The following DENND6B variants were observed in gnomAD, a reference collection of about 807,000 sequenced individuals.
DENND6B encodes DENN domain containing 6B, also known as protein DENND6B.
A neutral mutation model predicts 85.1 loss-of-function variants in DENND6B; 73 were observed. The ratio of observed to expected loss-of-function variants is 0.86; its 90% confidence interval spans 0.71 to 1.04. DENND6B has a LOEUF of 1.04. Among genes scored for constraint, DENND6B ranks in the 50% least tolerant of loss-of-function variants. The pLI is 0.00. For synonymous variants in DENND6B, 357 were observed against 329.3 expected, an observed-to-expected ratio of 1.08 and a Z score of -0.91; for missense variants, 715 against 785.8, an observed-to-expected ratio of 0.91 and a Z score of 1.08.
intron 13 of DENND6B, 82 bp downstream of exon 13, chr22:50,314,125 G>C (rs749841275): frequency 6.8e-7 from 1 of 1,474,068 alleles, no homozygotes; most frequent in South Asian, 1.3e-5. Context: ...CTGGGGGCCT[G>C]GCTGCCCCAC....
rs1569212672 is a variant in DENND6B at position 50,326,816 on chromosome 22, A to G, written c.173T>C (p.Leu58Pro). 1.4e-6 allele frequency: 2 copies of G among 1,411,772 alleles called. No individual in the cohort carries two copies. The highest frequency in any genetic ancestry group is 1.8e-6 in the Non-Finnish European group (2 of 1,086,816). The allele number at this position is 1,411,772 out of a possible 1,614,324, so 87.5% of individuals were successfully genotyped here. The part of the protein sequence containing the change: ...VTFDLELGQA[L>P]ELVYPNDFRL... ...CCCGCGCTCGCGCCCGCTCACCTCC[A>G]GCGCCTGGCCCAGCTCCAGGTCGAA... Residue 58 changes from leucine to proline, a missense_variant, in exon 1 of 20, where the codon CTG becomes CCG. Leu to Pro is a moderately conservative substitution (Grantham distance 98). Transcript: ENST00000413817.
rs773665217 is a variant in DENND6B at position 50,309,059 on chromosome 22, A to C, written c.*3080T>G. 1.3e-5 allele frequency: 2 copies of C among 152,264 alleles called. No homozygotes were observed. Among genetic ancestry groups the C allele is most frequent in the Non-Finnish European group, 2.9e-5 (2 of 68,050 alleles). 9.4% of individuals were successfully genotyped at this position (152,264 alleles called of 1,614,324 possible). On this transcript the variant is annotated 3_prime_UTR_variant, in exon 20 of 20. Transcript: ENST00000413817. ...GTCACAAAAGGACATTTTAATACCAAAACTGTGGGAAGGCCACTGTTCTAG... is the reference window on the plus strand; with the variant it reads ...GTCACAAAAGGACATTTTAATACCACAACTGTGGGAAGGCCACTGTTCTAG...
chr22:50,325,854 T>C (rs2042174925), intron 1 of DENND6B, among the ~76,000 whole-genome samples: 2 of 152,238 alleles, frequency 1.3e-5, no homozygotes, highest in African/African-American at 4.8e-5. Flanking sequence ...GAAGACTATA[T>C]GCTTCTCATG....
chr22:50,314,875 T>C lies in DENND6B; in HGVS notation c.805A>G (p.Met269Val). 1.2e-6 allele frequency: 2 copies of C among 1,612,204 alleles called. No homozygotes were observed. The highest frequency in any genetic ancestry group is 1.7e-6 in the Non-Finnish European group (2 of 1,179,554). The change falls in exon 10 of 20, where the codon ATG (methionine) becomes GTG (valine). Residue 269 changes from methionine (M) to valine (V), a missense_variant. By Grantham distance (21) the Met-to-Val change is conservative (BLOSUM62 1). Coordinates refer to ENST00000413817, the MANE Select transcript of DENND6B (RefSeq NM_001001794.4). ...LTHMQTLWEL[M>V]LLGEPLLVLA... ...ACTAGCAGGGGCTCCCCGAGGAGCA[T>C]GAGCTCCCACAGTGTCTGCATATGA... is the stretch of plus-strand genomic sequence containing the variant.
At position 50,310,097 on chromosome 22, in the gene DENND6B, A is replaced by G. The variant is rs951115349; in HGVS notation, c.*2042T>C. The G allele has an allele frequency of 6.6e-6, 1 of 152,288 alleles. No homozygotes were observed. Among genetic ancestry groups the G allele is most frequent in the African/African-American group, 2.4e-5 (1 of 41,472 alleles). The allele number at this position is 152,288 out of a possible 1,614,324, so 9.4% of individuals were successfully genotyped here. A position where few individuals can be genotyped will look rare whatever the true frequency, so the allele number is the denominator to read the frequency against. On this transcript the variant is annotated 3_prime_UTR_variant, in exon 20 of 20. Coordinates refer to ENST00000413817, the MANE Select transcript of DENND6B (RefSeq NM_001001794.4). ...CAGGCCCCATCTTATGGAGGTCAGC[A>G]TTCAAGCTGCCCACACAAGAGGTGC...
At chr22:50,322,167 C>T (rs910158539) in intron 1 of DENND6B, among the ~76,000 whole-genome samples, 7 of 151,188 alleles carry the variant, frequency 4.6e-5, no homozygotes, top group Middle Eastern at 3.4e-3. Context: ...CTCCGCCTCC[C>T]GGGTTCACGA....
In DENND6B at chr22:50,310,560, G is replaced by A. The variant is rs2068045990; in HGVS notation, c.*1579C>T. On this transcript the variant is annotated 3_prime_UTR_variant, in exon 20 of 20. Coordinates refer to ENST00000413817, the MANE Select transcript of DENND6B (RefSeq NM_001001794.4). ...AGTGCTCGCTCTCCACCACCTGGCT[G>A]GAGGTCTGAGAGCACCAATGAGAAC... The A allele has an allele frequency of 6.6e-6, 1 of 152,252 alleles. No homozygotes were observed. Among genetic ancestry groups the A allele is most frequent in the Admixed American group, 6.5e-5 (1 of 15,282 alleles). The allele number at this position is 152,252 out of a possible 1,614,324, so 9.4% of individuals were successfully genotyped here.
At position 50,316,053 on chromosome 22, in the gene DENND6B, G is replaced by A. The variant is rs1177823387; in HGVS notation, c.674C>T (p.Ser225Phe). Residue 225 changes from serine (S) to phenylalanine (F), a missense_variant, in exon 8 of 20, where the codon TCC becomes TTC. Ser to Phe is a radical substitution (Grantham distance 155). Coordinates refer to ENST00000413817, the MANE Select transcript of DENND6B (RefSeq NM_001001794.4). The part of the protein sequence containing the change: ...RIPSRVDKSE[S>F]SPPKQFDQEN... Reference sequence around the variant, plus strand: ...TTGGTCAAACTGCTTCGGAGGACTGGACTCGGACTTGTCCACCCTGGATGG... The same window carrying A: ...TTGGTCAAACTGCTTCGGAGGACTGAACTCGGACTTGTCCACCCTGGATGG... The A allele has an allele frequency of 1.9e-6, 3 of 1,612,732 alleles. No individual in the cohort carries two copies. The highest frequency in any genetic ancestry group is 1.1e-5 in the South Asian group (1 of 91,084).
At chr22:50,313,790 G>T (rs2068134304) in intron 14 of DENND6B, 24 bp downstream of exon 14, 7 of 1,611,162 alleles carry the variant, frequency 4.3e-6, no homozygotes, top group Non-Finnish European at 4.2e-6. Flanking sequence ...TGCGTCCCCA[G>T]CCCCTGCCCC....
intron 1 of DENND6B, among the ~76,000 whole-genome samples, chr22:50,325,396 G>A (rs1419641754): frequency 6.9e-6 from 1 of 145,792 alleles, no homozygotes; most frequent in Non-Finnish European, 1.5e-5. Context: ...GGAGCGCAAT[G>A]GTGCAATCTC....
At chr22:50,318,809 G>C in intron 3 of DENND6B, 38 bp downstream of exon 3, 1 of 1,610,736 alleles carries the variant, frequency 6.2e-7, no homozygotes, top group Non-Finnish European at 8.5e-7. Context: ...TGCCCAGCTG[G>C]CTTCATGTCC....
At chr22:50,319,685 C>CTCACCTGGGATGGTCACGGGGCCCCGCCT (rs2041982990) in intron 1 of DENND6B, among the ~76,000 whole-genome samples, 2 of 152,228 alleles carry the variant, frequency 1.3e-5, no homozygotes, top group African/African-American at 4.8e-5. Flanking sequence ...CAGAGGGCCC[C>CTCACCTGGGATGGTCACGGGGCCCCGCCT]GGTCGTGCTG....
intron 1 of DENND6B, among the ~76,000 whole-genome samples, chr22:50,322,487 C>A (rs183325623): frequency 6.6e-6 from 1 of 152,188 alleles, no homozygotes; most frequent in African/African-American, 2.4e-5. Context: ...GAGTTCACTC[C>A]AGAGACCTCT....
In DENND6B at chr22:50,316,473, A is replaced by C. The variant is rs1405398155; in HGVS notation, c.456T>G (p.Ser152=). The change falls in exon 6 of 20, where the codon TCT becomes TCG. Residue 152 remains serine (S), a splice_region_variant and synonymous_variant. Transcript: ENST00000413817. ...SSVKRGYFQK[S]LVLVSRLPFV... ...AGGGCAAGCGGGACACCAGCACCAAAGACTGCAGGGCCACGGGGCCAGTTA... is the reference window on the plus strand; with the variant it reads ...AGGGCAAGCGGGACACCAGCACCAACGACTGCAGGGCCACGGGGCCAGTTA... 6.3e-7 allele frequency: 1 copy of C among 1,575,546 alleles called. No homozygotes were observed. The highest frequency in any genetic ancestry group is 2.4e-5 in the East Asian group (1 of 42,360).
chr22:50,316,602 C>T, intron 5 of DENND6B, 127 bp from the exon 6 acceptor site: 3 of 1,540,046 alleles, frequency 1.9e-6, no homozygotes, highest in Non-Finnish European at 2.6e-6. Context: ...CCACCAACTT[C>T]ACAGGACAGC....
chr22:50,318,733 CCT>C (rs1469117819), intron 3 of DENND6B, 112 bp downstream of exon 3: 77 of 1,471,000 alleles, frequency 5.2e-5, no homozygotes, highest in Admixed American at 7.8e-5. Flanking sequence ...GCTGCTCACC[CCT>C]GTGGCACTCT....
At position 50,316,402 on chromosome 22, in the gene DENND6B, T is replaced by G; in HGVS notation, c.527A>C (p.Tyr176Ser). 1.3e-6 allele frequency: 2 copies of G among 1,584,842 alleles called. No individual in the cohort carries two copies. Among genetic ancestry groups the G allele is most frequent in the Non-Finnish European group, 1.7e-6 (2 of 1,167,202 alleles). Residue 176 changes from tyrosine to serine, a missense_variant, in exon 6 of 20, where the codon TAC becomes TCC. Coordinates refer to ENST00000413817, the MANE Select transcript of DENND6B (RefSeq NM_001001794.4). ...CAGGCAGGGCGCCAGCTTGTCAAAG[T>G]ACTCGGGGGCGATGAGGCTTAGCAG... ...QALLSLIAPE[Y>S]FDKLAPCLEA...
At chr22:50,314,109 A>T in intron 13 of DENND6B, 98 bp downstream of exon 13, 1 of 1,397,732 alleles carries the variant, frequency 7.2e-7, no homozygotes, top group Non-Finnish European at 9.5e-7. Context: ...GAAGAGGATC[A>T]GGGGTCTGGG....
At position 50,314,639 on chromosome 22, in the gene DENND6B, C is replaced by T. The variant is rs1569198547; in HGVS notation, c.943G>A (p.Glu315Lys). The change falls in exon 11 of 20, where the codon GAG (glutamate) becomes AAG (lysine). Residue 315 changes from glutamate (E) to lysine (K), a missense_variant. Glu to Lys is a moderately conservative substitution (Grantham distance 56). Coordinates refer to ENST00000413817, the MANE Select transcript of DENND6B (RefSeq NM_001001794.4). ...GTGCGTGTGGTGAACTCCTTGAACT[C>T]GCTGTCATGGATGGTGAAGTAGGGA... ...FRPYFTIHDS[E>K]FKEFTTRTQA... 2.6e-6 allele frequency: 4 copies of T among 1,567,102 alleles called. No individual in the cohort carries two copies. Among genetic ancestry groups the T allele is most frequent in the Non-Finnish European group, 3.5e-6 (4 of 1,156,390 alleles).
Sources: gnomAD v4.1 joint callset for allele counts (sites outside exome capture counted in the v4.1 genomes callset) on GRCh38, gnomAD v4.1.1 for gene constraint, MANE v1.5 for transcripts, NCBI Gene and HGNC (gene_info 2026-07-23, HGNC 2026-07-21) for gene names.